Variants in TRMT11 observed in about 807,000 individuals in gnomAD.
TRMT11 encodes tRNA methyltransferase 11.
A neutral mutation model predicts 62.8 loss-of-function variants in TRMT11; 53 were observed. That is an observed-to-expected ratio of 0.84 (90% CI 0.68 to 1.06). The LOEUF (loss-of-function observed/expected upper bound fraction) is 1.06, where lower values mean the gene tolerates loss of function less well. Among genes scored for constraint, TRMT11 ranks in the 50% least tolerant of loss-of-function variants. TRMT11 has a pLI of 0.00. For missense variants in TRMT11, 556 were observed against 553.4 expected (o/e 1.00, Z -0.05); for synonymous variants, 188 against 190.3 (o/e 0.99, Z 0.10).
At chr6:126,121,843 T>TAACCACCCCCC (rs1383128183) in intron 21 of TRMT11, among the ~76,000 whole-genome samples, 1 of 152,052 alleles carries the variant, frequency 6.6e-6, no homozygotes, top group Admixed American at 6.6e-5. Flanking sequence ...TCTACTCTCA[T>TAACCACCCCCC]AACCACCCCC....
chr6:126,123,803 CCTTTA>C (rs1416764638), intron 21 of TRMT11, among the ~76,000 whole-genome samples: 1 of 151,912 alleles, frequency 6.6e-6, no homozygotes, highest in African/African-American at 2.4e-5. Context: ...AATACCTAGA[CCTTTA>C]CTTTCATATA....
the TRMT11 span, among the ~76,000 whole-genome samples, chr6:126,210,003 A>G: frequency 6.6e-6 from 1 of 152,192 alleles, no homozygotes; most frequent in South Asian, 2.1e-4. Context: ...GAAGTCTAAG[A>G]TGGCCCCCAT....
At chr6:126,112,481 T>C (rs78967088) in intron 17 of TRMT11, among the ~76,000 whole-genome samples, 9,365 of 152,216 alleles carry the variant, frequency 0.062, 918 homozygotes, top group African/African-American at 0.21. Flanking sequence ...GGTAGAGATA[T>C]GAAGCTTCCT....
the TRMT11 span, among the ~76,000 whole-genome samples, chr6:126,209,166 T>C: frequency 6.6e-6 from 1 of 152,112 alleles, no homozygotes; most frequent in East Asian, 1.9e-4. Context: ...TCATAGCAAA[T>C]TTTAATCTCA....
At chr6:126,254,649 T>G in the TRMT11 span, among the ~76,000 whole-genome samples, 1 of 150,790 alleles carries the variant, frequency 6.6e-6, no homozygotes, top group African/African-American at 2.4e-5. Flanking sequence ...AAGGTGAGAG[T>G]TTTTTTTCTC....
At chr6:126,253,714 A>G in the TRMT11 span, among the ~76,000 whole-genome samples, 6 of 152,166 alleles carry the variant, frequency 3.9e-5, no homozygotes, top group Non-Finnish European at 8.8e-5. Flanking sequence ...GTGGCACATG[A>G]CTATAAACCA....
chr6:126,117,560 A>G (rs1466631084), intron 21 of TRMT11, among the ~76,000 whole-genome samples: 1 of 152,058 alleles, frequency 6.6e-6, no homozygotes. Flanking sequence ...AGTTTACTCT[A>G]ATGTTGATTA....
At chr6:126,150,183 A>G (rs927306468) in intron 21 of TRMT11, among the ~76,000 whole-genome samples, 2 of 152,140 alleles carry the variant, frequency 1.3e-5, no homozygotes, top group Non-Finnish European at 2.9e-5. Context: ...AGGAAGAGGA[A>G]GAGAGACCTG....
In TRMT11 at chr6:126,008,458, C is replaced by G; in HGVS notation, c.746C>G (p.Thr249Arg). 6.2e-7 allele frequency: 1 copy of G among 1,612,728 alleles called. No individual in the cohort carries two copies. Among genetic ancestry groups the G allele is most frequent in the South Asian group, 1.1e-5 (1 of 91,038 alleles). Residue 249 changes from threonine (T) to arginine (R), a missense_variant, in exon 8 of 13, where the codon ACA becomes AGA. Physicochemically the swap from Thr to Arg is moderately conservative, Grantham distance 71 (BLOSUM62 -1). Coordinates refer to ENST00000334379, the MANE Select transcript of TRMT11 (RefSeq NM_001031712.3). ...TATGGGACAGACATAGACTACAACA[C>G]AGTTCATGGCTTGGGTGAGTAGAGA... ...YVYGTDIDYN[T>R]VHGLGKATRK...
At chr6:126,221,028 A>G in the TRMT11 span, among the ~76,000 whole-genome samples, 1 of 152,118 alleles carries the variant, frequency 6.6e-6, no homozygotes, top group Non-Finnish European at 1.5e-5. Flanking sequence ...TTTTCTGTTC[A>G]TGCATTAATT....
intron 12 of TRMT11, among the ~76,000 whole-genome samples, chr6:126,030,485 C>T (rs970858803): frequency 6.6e-6 from 1 of 152,168 alleles, no homozygotes; most frequent in Non-Finnish European, 1.5e-5. Flanking sequence ...TAGCTTTAAT[C>T]GGTTCCATGA....
intron 1 of TRMT11, among the ~76,000 whole-genome samples, chr6:126,191,059 T>G (rs1235070565): frequency 2.0e-5 from 3 of 152,316 alleles, no homozygotes; most frequent in Non-Finnish European, 4.4e-5. Context: ...CACCATCCAC[T>G]GTATGACCAT....
At chr6:126,249,915 G>T in the TRMT11 span, among the ~76,000 whole-genome samples, 10 of 152,188 alleles carry the variant, frequency 6.6e-5, no homozygotes, top group East Asian at 1.4e-3. Context: ...AATCCTCTCA[G>T]TTTGGATAGG....
chr6:125,991,875 C>T (rs1053916351), intron 1 of TRMT11, among the ~76,000 whole-genome samples: 1 of 152,112 alleles, frequency 6.6e-6, no homozygotes, highest in African/African-American at 2.4e-5. Flanking sequence ...GTTCAAACTC[C>T]TGGGTTTTAT....
At chr6:126,027,661 A>G (rs187031220) in intron 12 of TRMT11, among the ~76,000 whole-genome samples, 15 of 152,214 alleles carry the variant, frequency 9.9e-5, no homozygotes, top group African/African-American at 3.1e-4. Flanking sequence ...GCTACATCAT[A>G]TAGTTTAGAT....
intron 1 of TRMT11, among the ~76,000 whole-genome samples, chr6:126,182,890 C>T (rs1040254168): frequency 3.3e-5 from 5 of 152,122 alleles, no homozygotes; most frequent in African/African-American, 4.8e-5. Context: ...ATCAGCCTGG[C>T]TGCACCCACT....
intron 17 of TRMT11, among the ~76,000 whole-genome samples, chr6:126,102,211 G>A (rs1777409088): frequency 6.6e-6 from 1 of 152,080 alleles, no homozygotes; most frequent in Non-Finnish European, 1.5e-5. Context: ...GATGAACTCT[G>A]AAAGAAAAGA....
intron 17 of TRMT11, among the ~76,000 whole-genome samples, chr6:126,083,308 C>T (rs1440187477): frequency 1.3e-5 from 2 of 152,102 alleles, no homozygotes; most frequent in Non-Finnish European, 2.9e-5. Context: ...CTGTTCATTT[C>T]CCTGACCCCA....
At chr6:126,238,728 C>T in the TRMT11 span, among the ~76,000 whole-genome samples, 2 of 152,056 alleles carry the variant, frequency 1.3e-5, no homozygotes, top group African/African-American at 2.4e-5. Context: ...CTATTAGGTC[C>T]GCTTGGTGCA....
Sources: gnomAD v4.1 joint callset for allele counts (sites outside exome capture counted in the v4.1 genomes callset) on GRCh38, gnomAD v4.1.1 for gene constraint, MANE v1.5 for transcripts, NCBI Gene and HGNC (gene_info 2026-07-23, HGNC 2026-07-21) for gene names.